The following POU2F1 variants were observed in gnomAD, a reference collection of about 807,000 sequenced individuals.
POU2F1 encodes the protein POU class 2 homeobox 1.
In POU2F1, 16 loss-of-function variants were observed where a neutral mutation model predicts 84.9. The observed-to-expected ratio is 0.19, with a 90% confidence interval of 0.13 to 0.29. The LOEUF (loss-of-function observed/expected upper bound fraction) is 0.29. Among genes scored for constraint, POU2F1 ranks in the 10% least tolerant of loss-of-function variants. POU2F1 has a pLI of 1.00. For missense variants in POU2F1, 738 were observed against 942.6 expected, an observed-to-expected ratio of 0.78 and a Z score of 2.84; for synonymous variants, 368 against 368.3, an observed-to-expected ratio of 1.00 and a Z score of 0.01.
At chr1:167,281,626 A>G (rs943420735) in intron 1 of POU2F1, among the ~76,000 whole-genome samples, 48 of 152,310 alleles carry the variant, frequency 3.2e-4, no homozygotes, top group African/African-American at 8.7e-4. Flanking sequence ...CATGGTTCAA[A>G]CAGTTGACTA....
intron 1 of POU2F1, among the ~76,000 whole-genome samples, chr1:167,240,185 TTAG>T (rs1320370270): frequency 2.6e-5 from 4 of 152,188 alleles, no homozygotes; most frequent in Non-Finnish European, 2.9e-5. Context: ...CTCTTAGACA[TTAG>T]TAGTACATAA....
At chr1:167,279,145 G>A (rs1652943923) in intron 1 of POU2F1, among the ~76,000 whole-genome samples, 1 of 152,216 alleles carries the variant, frequency 6.6e-6, no homozygotes, top group African/African-American at 2.4e-5. Context: ...CACACATTAT[G>A]TGTAGAATAT....
chr1:167,222,578 T>TTGCCTTCTCTAGCAGAAGCCTCA (rs1648315112), intron 1 of POU2F1, among the ~76,000 whole-genome samples: 1 of 152,102 alleles, frequency 6.6e-6, no homozygotes, highest in South Asian at 2.1e-4. Flanking sequence ...TCTCTAGCAG[T>TTGCCTTCTCTAGCAGAAGCCTCA]TGCCTAGGCC....
At chr1:167,294,239 C>T (rs919371888) in intron 1 of POU2F1, among the ~76,000 whole-genome samples, 5 of 148,720 alleles carry the variant, frequency 3.4e-5, no homozygotes, top group Non-Finnish European at 7.4e-5. Flanking sequence ...GTCCCAGCTA[C>T]TCAGGAGGCT....
rs1363194182 is a variant in POU2F1 at position 167,281,082 on chromosome 1, GTTTAGTCTTCATTTGTGAC to G, written c.62-51386_62-51368del. On this transcript the variant is annotated intron_variant, in intron 1 of 15. Transcript: ENST00000367866. ...CATCCCCATAGGAAGAGGGTGGAGTGTTTAGTCTTCATTTGTGACTGGTTTAAATGAATAGATACAGTTC... is the reference window on the plus strand; with the variant it reads ...CATCCCCATAGGAAGAGGGTGGAGTGTGGTTTAAATGAATAGATACAGTTC... 2.0e-5 allele frequency among the ~76,000 whole-genome samples: 3 copies of G among 152,288 alleles called. No individual in the cohort carries two copies. The East Asian group carries it at 5.8e-4, about 29-fold the overall frequency.
chr1:167,260,108 G>C (rs1157452426), intron 1 of POU2F1, among the ~76,000 whole-genome samples: 1 of 152,142 alleles, frequency 6.6e-6, no homozygotes, highest in African/African-American at 2.4e-5. Flanking sequence ...TCGATCTCCT[G>C]ACCTCGTGAT....
intron 1 of POU2F1, among the ~76,000 whole-genome samples, chr1:167,232,720 A>G (rs1465160359): frequency 6.6e-6 from 1 of 152,010 alleles, no homozygotes; most frequent in Non-Finnish European, 1.5e-5. Context: ...GCACACGCCC[A>G]TAATCCCAGC....
chr1:167,348,859 T>C (rs951252846), intron 2 of POU2F1, among the ~76,000 whole-genome samples: 1 of 152,228 alleles, frequency 6.6e-6, no homozygotes, highest in Admixed American at 6.5e-5. Context: ...AAGTAAGTGC[T>C]CTGCTTTGCA....
intron 2 of POU2F1, among the ~76,000 whole-genome samples, chr1:167,332,993 G>GT: frequency 6.6e-6 from 1 of 152,034 alleles, no homozygotes; most frequent in Non-Finnish European, 1.5e-5. Context: ...TCAGTAAAAT[G>GT]TTTTTTCTTA....
At chr1:167,325,687 C>G (rs113267016) in intron 1 of POU2F1, among the ~76,000 whole-genome samples, 3 of 151,948 alleles carry the variant, frequency 2.0e-5, no homozygotes, top group Non-Finnish European at 2.9e-5. Flanking sequence ...GTCAGGAGTT[C>G]GAGACCAGCC....
chr1:167,329,506 C>T (rs1027647272), intron 1 of POU2F1, among the ~76,000 whole-genome samples: 1 of 152,150 alleles, frequency 6.6e-6, no homozygotes, highest in African/African-American at 2.4e-5. Context: ...GTGACTAGCT[C>T]TTCTGATTCA....
At chr1:167,262,520 T>A (rs1651646319) in intron 1 of POU2F1, among the ~76,000 whole-genome samples, 1 of 152,250 alleles carries the variant, frequency 6.6e-6, no homozygotes, top group Non-Finnish European at 1.5e-5. Context: ...TCTTAAACAG[T>A]TTAAGTTATA....
At chr1:167,410,061 A>C (rs1649848134) in intron 13 of POU2F1, among the ~76,000 whole-genome samples, 1 of 152,222 alleles carries the variant, frequency 6.6e-6, no homozygotes, top group African/African-American at 2.4e-5. Flanking sequence ...TTGTTCTGAG[A>C]GATTTAGAAC....
intron 2 of POU2F1, chr1:167,357,380 C>CCCCCCCCCA (rs1659028063): frequency 3.3e-4 from 1 of 3,000 alleles, no homozygotes; most frequent in Non-Finnish European, 8.2e-4. Context: ...CCCCCCCCCA[C>CCCCCCCCCA]CCCCCCCCGC....
chr1:167,330,856 A>G (rs1657038822), intron 1 of POU2F1, among the ~76,000 whole-genome samples: 1 of 152,050 alleles, frequency 6.6e-6, no homozygotes, highest in South Asian at 2.1e-4. Flanking sequence ...TCTTTTTATG[A>G]ATGTTAACTG....
intron 2 of POU2F1, among the ~76,000 whole-genome samples, chr1:167,361,039 A>T (rs1301646550): frequency 6.6e-6 from 1 of 152,132 alleles, no homozygotes; most frequent in Non-Finnish European, 1.5e-5. Flanking sequence ...ATTCATGTAT[A>T]GGAATGCTAC....
At chr1:167,272,497 T>C (rs1178670855) in intron 1 of POU2F1, among the ~76,000 whole-genome samples, 1 of 151,996 alleles carries the variant, frequency 6.6e-6, no homozygotes, top group Non-Finnish European at 1.5e-5. Context: ...TTTAATTGGC[T>C]CACAGTTCCA....
intron 1 of POU2F1, among the ~76,000 whole-genome samples, chr1:167,289,948 T>C (rs922152449): frequency 6.6e-6 from 1 of 152,206 alleles, no homozygotes; most frequent in Non-Finnish European, 1.5e-5. Flanking sequence ...AAAATAATTA[T>C]AGTAACTTGG....
chr1:167,272,376 A>T (rs1427442505), intron 1 of POU2F1, among the ~76,000 whole-genome samples: 1 of 141,084 alleles, frequency 7.1e-6, no homozygotes, highest in Non-Finnish European at 1.5e-5. Context: ...GTATGTTCCC[A>T]CACATTAGGA....
Sources: gnomAD v4.1 joint callset for allele counts (sites outside exome capture counted in the v4.1 genomes callset) on GRCh38, gnomAD v4.1.1 for gene constraint, MANE v1.5 for transcripts, NCBI Gene and HGNC (gene_info 2026-07-23, HGNC 2026-07-21) for gene names.